DGKG: variants seen among roughly 807,000 people sequenced by gnomAD.
The protein encoded by DGKG is diacylglycerol kinase gamma, also known as DAG kinase gamma.
A neutral mutation model predicts 105.3 loss-of-function variants in DGKG; 78 were observed. That is an observed-to-expected ratio of 0.74 (90% CI 0.62 to 0.89). The LOEUF is 0.89. Ranked by LOEUF, DGKG falls within the 40% of genes least tolerant of loss-of-function variation. The probability of loss-of-function intolerance (pLI) is 0.00; values close to 1 mark genes in which losing one functional copy is unlikely to be tolerated. For synonymous variants in DGKG, 346 were observed against 367.1 expected, an observed-to-expected ratio of 0.94 and a Z score of 0.66; for missense variants, 958 against 1,020.1, an observed-to-expected ratio of 0.94 and a Z score of 0.83.
chr3:186,298,334 G>A (rs1723698707), intron 3 of DGKG, 105 bp from the exon 4 acceptor site: 7 of 1,130,730 alleles, frequency 6.2e-6, no homozygotes, highest in Non-Finnish European at 7.4e-6. Flanking sequence ...GGAATGGAAA[G>A]GGAGGCAGTA....
At chr3:186,201,795 T>C (rs1416083952) in intron 21 of DGKG, among the ~76,000 whole-genome samples, 2 of 152,234 alleles carry the variant, frequency 1.3e-5, no homozygotes, top group Non-Finnish European at 2.9e-5. Context: ...AAACAACTAT[T>C]GAGGAATTAG....
At position 186,297,443 on chromosome 3, in the gene DGKG, G is replaced by A. The variant is rs374714480; in HGVS notation, c.351C>T (p.Asp117=). The A allele has an allele frequency of 1.2e-5, 20 of 1,612,502 alleles. No homozygotes were observed. Among genetic ancestry groups the A allele is most frequent in the Admixed American group, 6.7e-5 (4 of 59,998 alleles). The part of the protein sequence containing the change: ...IQNADNATKA[D]EACAPDTESN... ...TACCAGTATCAGGGGCACAGGCCTC[G>A]TCTGCTTTGGTGGCATTATCTGCAT... is the stretch of plus-strand genomic sequence containing the variant. Residue 117 remains aspartate, a synonymous_variant, in exon 5 of 25, where the codon GAC becomes GAT. Coordinates refer to ENST00000265022, the MANE Select transcript of DGKG (RefSeq NM_001346.3).
rs918067926 is a variant in DGKG, at chr3:186,261,839, G to A, written c.1270-61C>T. Reference sequence around the variant, plus strand: ...TCATCCAATAGGGGGCGTGAGATGAGAGTTGAAGCCAAGACAGCTTCGGAG... The same window carrying A: ...TCATCCAATAGGGGGCGTGAGATGAAAGTTGAAGCCAAGACAGCTTCGGAG... On this transcript the variant is annotated intron_variant, in intron 14 of 24. Transcript: ENST00000265022. 1.2e-5 allele frequency: 13 copies of A among 1,114,450 alleles called. No homozygotes were observed. The African/African-American group carries it at 1.4e-4, about 12-fold the overall frequency. 69.0% of individuals were successfully genotyped at this position (1,114,450 alleles called of 1,614,324 possible). A position where few individuals can be genotyped will look rare whatever the true frequency, so the allele number is the denominator to read the frequency against.
rs149963765 is a variant in DGKG, at chr3:186,254,290, A to G, written c.1511-1108T>C. Among the ~76,000 whole-genome samples the G allele has an allele frequency of 1.7e-3, 265 of 152,298 alleles. 4 individuals carry two copies. In the East Asian group the frequency reaches 0.039, roughly 22 times the overall value. Reference sequence around the variant, plus strand: ...GGTTGTCCTGGCAAACTGGGAGCTCATAGGTCCTCCAGGTTGTCTGACCTA... The same window carrying G: ...GGTTGTCCTGGCAAACTGGGAGCTCGTAGGTCCTCCAGGTTGTCTGACCTA... On this transcript the variant is annotated intron_variant, in intron 17 of 24. Coordinates refer to ENST00000265022, the MANE Select transcript of DGKG (RefSeq NM_001346.3).
chr3:186,307,967 A>T (rs1371080957), intron 2 of DGKG, among the ~76,000 whole-genome samples: 2 of 151,624 alleles, frequency 1.3e-5, no homozygotes, highest in Non-Finnish European at 2.9e-5. Context: ...CATAACCTCA[A>T]TTATGTCTCA....
At chr3:186,205,579 G>A (rs745593546) in intron 21 of DGKG, among the ~76,000 whole-genome samples, 1 of 151,912 alleles carries the variant, frequency 6.6e-6, no homozygotes, top group African/African-American at 2.4e-5. Context: ...GTGTGGTGGC[G>A]GGCACCTATA....
At chr3:186,209,043 G>A (rs950388185) in intron 21 of DGKG, among the ~76,000 whole-genome samples, 4 of 149,870 alleles carry the variant, frequency 2.7e-5, no homozygotes, top group African/African-American at 9.9e-5. Flanking sequence ...GTCAAAGCAC[G>A]TGACTTTTTC....
intron 11 of DGKG, among the ~76,000 whole-genome samples, chr3:186,271,093 G>A (rs974654961): frequency 4.6e-5 from 7 of 152,190 alleles, no homozygotes; most frequent in African/African-American, 1.7e-4. Flanking sequence ...GAGTCCTTCT[G>A]CAGGAGGGCT....
chr3:186,149,565 C>A lies in DGKG; in HGVS notation c.*525G>T, dbSNP rs919566011. ...AGGACGACCAAGAAACCAACGTGCG[C>A]CTGCTGAGCCCTGCCAAGGATTATG... On this transcript the variant is annotated 3_prime_UTR_variant, in exon 25 of 25. Transcript: ENST00000265022. The A allele has an allele frequency of 1.0e-6, 1 of 985,504 alleles. No homozygotes were observed. Among genetic ancestry groups the A allele is most frequent in the Admixed American group, 6.1e-5 (1 of 16,270 alleles). The allele number at this position is 985,504 out of a possible 1,614,324, so 61.0% of individuals were successfully genotyped here.
intron 2 of DGKG, among the ~76,000 whole-genome samples, chr3:186,309,955 A>C (rs2108628800): frequency 6.6e-6 from 1 of 151,256 alleles, no homozygotes; most frequent in South Asian, 2.1e-4. Context: ...TATCTGATTA[A>C]TAGCCTGAAA....
intron 21 of DGKG, among the ~76,000 whole-genome samples, chr3:186,192,269 G>C (rs943951444): frequency 1.3e-5 from 2 of 152,064 alleles, no homozygotes; most frequent in African/African-American, 2.4e-5. Flanking sequence ...TTGACCTCCG[G>C]AAGTGCTGGG....
chr3:186,242,606 G>C, intron 19 of DGKG, 38 bp from the exon 20 acceptor site: 1 of 1,592,348 alleles, frequency 6.3e-7, no homozygotes, highest in Non-Finnish European at 8.6e-7. Flanking sequence ...CTTGGTGAGT[G>C]GTCATGACAG....
intron 2 of DGKG, 61 bp from the exon 3 acceptor site, chr3:186,307,038 T>C: frequency 8.7e-7 from 1 of 1,147,770 alleles, no homozygotes; most frequent in South Asian, 1.3e-5. Flanking sequence ...CTGGGCCAAG[T>C]AAATTCTCCC....
At chr3:186,270,846 T>C (rs1317211688) in intron 11 of DGKG, among the ~76,000 whole-genome samples, 2 of 152,226 alleles carry the variant, frequency 1.3e-5, no homozygotes, top group Non-Finnish European at 2.9e-5. Flanking sequence ...TCCTGCAGGC[T>C]GAGAAGTTTG....
At chr3:186,333,373 C>G (rs926516911) in intron 1 of DGKG, among the ~76,000 whole-genome samples, 1 of 152,140 alleles carries the variant, frequency 6.6e-6, no homozygotes, top group Non-Finnish European at 1.5e-5. Context: ...ATTTCTTTTT[C>G]TTAATGGGGA....
In DGKG at chr3:186,147,605, A is replaced by G; in HGVS notation, c.*2485T>C. 13 of 985,444 alleles carry G rather than the reference A, an allele frequency of 1.3e-5. No homozygotes were observed. Among genetic ancestry groups the G allele is most frequent in the Non-Finnish European group, 1.6e-5 (13 of 829,930 alleles). 61.0% of individuals were successfully genotyped at this position (985,444 alleles called of 1,614,324 possible). A position where few individuals can be genotyped will look rare whatever the true frequency, so the allele number is the denominator to read the frequency against. ...AGAAGGACTTGGGATATGTCTCTCA[A>G]GCAACATTGCAAGTCCTGTGCACTA... On this transcript the variant is annotated 3_prime_UTR_variant, in exon 25 of 25. Coordinates refer to ENST00000265022, the MANE Select transcript of DGKG (RefSeq NM_001346.3).
intron 20 of DGKG, among the ~76,000 whole-genome samples, chr3:186,218,590 A>G (rs1213541116): frequency 6.6e-6 from 1 of 151,632 alleles, no homozygotes; most frequent in Admixed American, 6.6e-5. Flanking sequence ...TTGAGATGAC[A>G]CAATTCAGAA....
chr3:186,283,228 C>T (rs1037043723), intron 7 of DGKG, among the ~76,000 whole-genome samples: 12 of 152,102 alleles, frequency 7.9e-5, no homozygotes, highest in Non-Finnish European at 1.2e-4. Flanking sequence ...TCACCTATAA[C>T]GTTTAATAAG....
At chr3:186,280,022 C>T (rs1722758350) in intron 8 of DGKG, 49 bp from the exon 9 acceptor site, 1 of 1,608,774 alleles carries the variant, frequency 6.2e-7, no homozygotes. Flanking sequence ...ATCGACATGT[C>T]TACCTGCCTT....
Sources: gnomAD v4.1 joint callset for allele counts (sites outside exome capture counted in the v4.1 genomes callset) on GRCh38, gnomAD v4.1.1 for gene constraint, MANE v1.5 for transcripts, NCBI Gene and HGNC (gene_info 2026-07-23, HGNC 2026-07-21) for gene names.